The following STRN variants were observed in gnomAD, a reference collection of about 807,000 sequenced individuals.
STRN encodes striatin.
A neutral mutation model predicts 96.3 loss-of-function variants in STRN; 53 were observed. That is an observed-to-expected ratio of 0.55 (90% CI 0.44 to 0.69). The LOEUF (loss-of-function observed/expected upper bound fraction) is 0.69, where lower values mean the gene tolerates loss of function less well. Ranked by LOEUF, STRN falls within the 30% of genes least tolerant of loss-of-function variation. The pLI is 0.00. For synonymous variants in STRN, 428 were observed against 355.9 expected (o/e 1.20, Z -2.28); for missense variants, 987 against 963.9 (o/e 1.02, Z -0.32).
At chr2:36,859,999 C>A (rs1668436145) in intron 13 of STRN, among the ~76,000 whole-genome samples, 1 of 152,008 alleles carries the variant, frequency 6.6e-6, no homozygotes, top group African/African-American at 2.4e-5. Context: ...ATCAAAGAAA[C>A]AGATGATGAG....
intron 6 of STRN, among the ~76,000 whole-genome samples, chr2:36,897,064 G>C (rs1196474162): frequency 2.6e-5 from 4 of 152,040 alleles, no homozygotes; most frequent in Non-Finnish European, 5.9e-5. Flanking sequence ...CTACTCGGGA[G>C]GCTGAGACAG....
At chr2:36,870,764 T>A (rs1316655354) in intron 10 of STRN, among the ~76,000 whole-genome samples, 2 of 152,188 alleles carry the variant, frequency 1.3e-5, no homozygotes, top group African/African-American at 4.8e-5. Flanking sequence ...TCCTTCTACT[T>A]ATTTTTTAAA....
At chr2:36,955,049 T>C (rs1344714706) in intron 1 of STRN, among the ~76,000 whole-genome samples, 2 of 152,188 alleles carry the variant, frequency 1.3e-5, no homozygotes, top group African/African-American at 4.8e-5. Flanking sequence ...AAACTTCAAA[T>C]AATCAGTGAT....
intron 1 of STRN, among the ~76,000 whole-genome samples, chr2:36,947,721 C>A (rs1014295218): frequency 2.6e-5 from 4 of 151,670 alleles, no homozygotes; most frequent in African/African-American, 9.7e-5. Context: ...ATATATGCAA[C>A]CTTATTAAAG....
chr2:36,856,552 C>CAT (rs1668345887), intron 14 of STRN, among the ~76,000 whole-genome samples: 1 of 152,020 alleles, frequency 6.6e-6, no homozygotes, highest in African/African-American at 2.4e-5. Flanking sequence ...TTTACTATTC[C>CAT]ATTTACATGA....
At chr2:36,850,323 C>A (rs181835020) in intron 16 of STRN, among the ~76,000 whole-genome samples, 1 of 152,176 alleles carries the variant, frequency 6.6e-6, no homozygotes, top group Non-Finnish European at 1.5e-5. Context: ...ATTAACAAGG[C>A]AGATACTTAG....
chr2:36,861,083 T>G, intron 13 of STRN, 49 bp downstream of exon 13: 1 of 1,597,962 alleles, frequency 6.3e-7, no homozygotes, highest in Non-Finnish European at 8.5e-7. Flanking sequence ...TGAAAAAATG[T>G]GTTTAAAAAA....
Position 36,877,881 on chromosome 2 carries a change from T to G in STRN, c.1323+10A>C, listed in dbSNP as rs537761693. On this transcript the variant is annotated intron_variant, in intron 10 of 17. Transcript: ENST00000263918. Reference sequence around the variant, plus strand: ...CAAGTAAACACAACAAAAACAAAACTACTACTTACATCATAAGTTAGTGAG... The same window carrying G: ...CAAGTAAACACAACAAAAACAAAACGACTACTTACATCATAAGTTAGTGAG... 7 of 1,612,730 alleles carry G rather than the reference T, an allele frequency of 4.3e-6. No homozygotes were observed. The highest frequency in any genetic ancestry group is 5.9e-6 in the Non-Finnish European group (7 of 1,179,694).
At chr2:36,866,769 G>C (rs886672416) in intron 12 of STRN, among the ~76,000 whole-genome samples, 1 of 152,072 alleles carries the variant, frequency 6.6e-6, no homozygotes, top group African/African-American at 2.4e-5. Flanking sequence ...ATCCTTTATT[G>C]TCATGTAATG....
chr2:36,898,629 A>T (rs1317010914), intron 6 of STRN, among the ~76,000 whole-genome samples: 10 of 152,222 alleles, frequency 6.6e-5, no homozygotes, highest in Non-Finnish European at 1.2e-4. Flanking sequence ...ATGGCTATTT[A>T]TAACAATCCT....
intron 1 of STRN, among the ~76,000 whole-genome samples, chr2:36,956,535 G>A (rs1156971118): frequency 1.2e-4 from 19 of 152,132 alleles, no homozygotes. Flanking sequence ...TTGAAACCTG[G>A]ATGCTACACA....
At chr2:36,922,327 C>T (rs1356865298) in intron 2 of STRN, among the ~76,000 whole-genome samples, 1 of 151,852 alleles carries the variant, frequency 6.6e-6, no homozygotes, top group Non-Finnish European at 1.5e-5. Flanking sequence ...CAGACCAGCC[C>T]TGGGAACAGG....
intron 7 of STRN, among the ~76,000 whole-genome samples, chr2:36,890,857 C>T (rs1669377644): frequency 6.6e-6 from 1 of 152,088 alleles, no homozygotes; most frequent in African/African-American, 2.4e-5. Context: ...TTCAACTGAA[C>T]ACTAAGGGCA....
At chr2:36,862,765 C>T (rs1206939876) in intron 12 of STRN, among the ~76,000 whole-genome samples, 1 of 150,720 alleles carries the variant, frequency 6.6e-6, no homozygotes, top group African/African-American at 2.4e-5. Flanking sequence ...GATGGAGTCT[C>T]GCTCTGTCAC....
chr2:36,920,545 G>C (rs866121950), intron 2 of STRN, among the ~76,000 whole-genome samples: 1 of 151,760 alleles, frequency 6.6e-6, no homozygotes, highest in East Asian at 1.9e-4. Context: ...GGCTGAGGCA[G>C]GATAATCTCT....
At chr2:36,911,881 G>A (rs1411967865) in intron 3 of STRN, among the ~76,000 whole-genome samples, 2 of 151,980 alleles carry the variant, frequency 1.3e-5, no homozygotes, top group Non-Finnish European at 2.9e-5. Context: ...AGCTTTTCTC[G>A]ATCCTACTAT....
rs765999422 is a variant in STRN, at chr2:36,855,306, G to T, written c.1884C>A (p.Ser628Arg). ...CCTTGCTGAATGATGCTACCATATGGCTCGGGTCACTGCTCACTAGATCCA... is the reference window on the plus strand; with the variant it reads ...CCTTGCTGAATGATGCTACCATATGTCTCGGGTCACTGCTCACTAGATCCA... ...ASVDLVSSDP[S>R]HMVASFSKGY... The change falls in exon 15 of 18, where the codon AGC (serine) becomes AGA (arginine). Residue 628 changes from serine to arginine, a missense_variant. Coordinates refer to ENST00000263918, the MANE Select transcript of STRN (RefSeq NM_003162.4). 1.2e-6 allele frequency: 2 copies of T among 1,613,688 alleles called. No individual in the cohort carries two copies. Among genetic ancestry groups the T allele is most frequent in the South Asian group, 1.1e-5 (1 of 91,052 alleles).
At chr2:36,903,854 C>T (rs6716696) in intron 4 of STRN, among the ~76,000 whole-genome samples, 4,255 of 152,178 alleles carry the variant, frequency 0.028, 88 homozygotes, top group African/African-American at 0.065. Context: ...TTCTTGAAAA[C>T]GGCTTTAAAG....
At chr2:36,855,187 G>C (rs201498105) in intron 15 of STRN, 25 bp downstream of exon 15, 4 of 1,604,902 alleles carry the variant, frequency 2.5e-6, no homozygotes. Context: ...AATAAACACA[G>C]ACAATTTAAA....
Sources: gnomAD v4.1 joint callset for allele counts (sites outside exome capture counted in the v4.1 genomes callset) on GRCh38, gnomAD v4.1.1 for gene constraint, MANE v1.5 for transcripts, NCBI Gene and HGNC (gene_info 2026-07-23, HGNC 2026-07-21) for gene names.